Variants in ARID4B observed in about 807,000 individuals in gnomAD.
ARID4B encodes the protein AT-rich interactive domain-containing protein 4B.
A neutral mutation model predicts 147.5 loss-of-function variants in ARID4B; 26 were observed. The observed-to-expected ratio is 0.18, with a 90% CI of 0.13 to 0.24. The LOEUF is 0.24. Among genes scored for constraint, ARID4B ranks in the 10% least tolerant of loss-of-function variants. ARID4B has a pLI of 1.00. For missense variants in ARID4B, 1,179 were observed against 1,511.5 expected (o/e 0.78, Z 3.65); for synonymous variants, 512 against 507.9 (o/e 1.01, Z -0.11).
intron 5 of ARID4B, among the ~76,000 whole-genome samples, chr1:235,255,269 A>ATCTATCTATCTATCTC (rs1553304391): frequency 1.5e-5 from 2 of 131,616 alleles, no homozygotes; most frequent in Non-Finnish European, 3.3e-5. Flanking sequence ...ATAGATATAT[A>ATCTATCTATCTATCTC]TCTCTCTCTC....
chr1:235,290,411 C>T (rs1240890669), intron 2 of ARID4B, among the ~76,000 whole-genome samples: 7 of 147,046 alleles, frequency 4.8e-5, no homozygotes, highest in African/African-American at 1.0e-4. Flanking sequence ...CCAACCTGGA[C>T]GACAGAATGA....
chr1:235,265,179 C>T (rs966013733), intron 2 of ARID4B, among the ~76,000 whole-genome samples: 1 of 149,368 alleles, frequency 6.7e-6, no homozygotes, highest in Non-Finnish European at 1.5e-5. Context: ...GCCTGGCCAA[C>T]ATGGTGAAAA....
In ARID4B at chr1:235,255,270, T is replaced by G. The variant is rs1342587891; in HGVS notation, c.274+390A>C. ...AGATAGATAGATAGATAGATATATATCTCTCTCTCTCTCTCTCTATATATA... is the reference window on the plus strand; with the variant it reads ...AGATAGATAGATAGATAGATATATAGCTCTCTCTCTCTCTCTCTATATATA... On this transcript the variant is annotated intron_variant, in intron 5 of 23. Coordinates refer to ENST00000264183, the MANE Select transcript of ARID4B (RefSeq NM_016374.6). Among the ~76,000 whole-genome samples the G allele has an allele frequency of 2.0e-3, 159 of 79,134 alleles. 2 individuals carry two copies. The highest frequency in any genetic ancestry group is 5.1e-3 in the African/African-American group (136 of 26,758). 51.9% of individuals were successfully genotyped at this position (79,134 alleles called of 152,430 possible). A position where few individuals can be genotyped will look rare whatever the true frequency, so the allele number is the denominator to read the frequency against.
At position 235,223,366 on chromosome 1, in the gene ARID4B, CACGTATATATATATAT is replaced by C. The variant is rs554856926; in HGVS notation, c.971-122_971-107del. 2.1e-4 allele frequency: 64 copies of C among 301,740 alleles called. 2 individuals are homozygous for C. In the East Asian group the frequency reaches 3.9e-3, roughly 18 times the overall value. 18.7% of individuals were successfully genotyped at this position (301,740 alleles called of 1,614,324 possible). On this transcript the variant is annotated intron_variant, in intron 12 of 23. Transcript: ENST00000264183. The stretch of plus-strand genomic sequence containing the variant: ...ATTTATAGTATTTTATATATATATA[CACGTATATATATATAT>C]ACACGTATATATATGTGTGTGTATA...
chr1:235,177,630 A>T (rs996700701), intron 21 of ARID4B, 170 bp downstream of exon 21: 25 of 485,874 alleles, frequency 5.1e-5, no homozygotes, highest in African/African-American at 3.4e-4. Context: ...TTTTTTGTCT[A>T]TTTTGTTTTT....
chr1:235,255,271 C>CTATCTA (rs767376155), intron 5 of ARID4B, among the ~76,000 whole-genome samples: 148 of 52,704 alleles, frequency 2.8e-3, no homozygotes, highest in African/African-American at 5.3e-3. Context: ...AGATATATAT[C>CTATCTA]TCTCTCTCTC....
chr1:235,231,206 A>G lies in ARID4B; in HGVS notation c.666-17T>C. ...ACTGAAGTACTATATATTTTTTTTA[A>G]TTATAAGAGAAGAAAAAAAACCCAA... On this transcript the variant is annotated splice_polypyrimidine_tract_variant and intron_variant, in intron 9 of 23. Coordinates refer to ENST00000264183, the MANE Select transcript of ARID4B (RefSeq NM_016374.6). The G allele has an allele frequency of 7.0e-7, 1 of 1,436,588 alleles. No individual in the cohort carries two copies. The highest frequency in any genetic ancestry group is 1.5e-5 in the African/African-American group (1 of 68,318). 89.0% of individuals were successfully genotyped at this position (1,436,588 alleles called of 1,614,324 possible). A position where few individuals can be genotyped will look rare whatever the true frequency, so the allele number is the denominator to read the frequency against.
chr1:235,326,030 C>T (rs1675211022), intron 2 of ARID4B, among the ~76,000 whole-genome samples: 1 of 152,224 alleles, frequency 6.6e-6, no homozygotes, highest in East Asian at 1.9e-4. Flanking sequence ...CTTGTGAACA[C>T]TCTACCCTTT....
chr1:235,215,589 T>C (rs1292569150), intron 16 of ARID4B, among the ~76,000 whole-genome samples: 2 of 86,892 alleles, frequency 2.3e-5, no homozygotes, highest in Non-Finnish European at 5.9e-5. Context: ...GTATATATTT[T>C]TCCCCCCCTT....
intron 10 of ARID4B, 51 bp downstream of exon 10, chr1:235,231,062 C>A: frequency 7.9e-7 from 1 of 1,260,354 alleles, no homozygotes; most frequent in Non-Finnish European, 1.1e-6. Context: ...TCTTCAAAAA[C>A]ACTTTAGCAG....
chr1:235,327,084 C>A (rs906771852), intron 1 of ARID4B, 116 bp from the exon 2 acceptor site: 2 of 694,770 alleles, frequency 2.9e-6, no homozygotes, highest in South Asian at 1.8e-5. Context: ...CGCAACCAGG[C>A]GCCAGCCCCC....
At chr1:235,317,826 T>C (rs2103296900) in intron 2 of ARID4B, among the ~76,000 whole-genome samples, 1 of 152,300 alleles carries the variant, frequency 6.6e-6, no homozygotes, top group East Asian at 1.9e-4. Context: ...AAGTATTCAA[T>C]AAATATTGAA....
At chr1:235,231,793 C>T (rs546505042) in intron 9 of ARID4B, among the ~76,000 whole-genome samples, 42 of 152,264 alleles carry the variant, frequency 2.8e-4, no homozygotes, top group Admixed American at 2.0e-3. Flanking sequence ...CGGCCAAAAA[C>T]GATTTATGGC....
chr1:235,282,895 C>T (rs974613602), intron 2 of ARID4B, among the ~76,000 whole-genome samples: 14 of 152,174 alleles, frequency 9.2e-5, no homozygotes, highest in African/African-American at 2.9e-4. Flanking sequence ...ATTCTCCTGC[C>T]TCAGCCTCCC....
At chr1:235,184,243 T>C (rs1432387935) in intron 19 of ARID4B, among the ~76,000 whole-genome samples, 1 of 152,226 alleles carries the variant, frequency 6.6e-6, no homozygotes, top group Admixed American at 6.5e-5. Flanking sequence ...AATCATTTTA[T>C]TGTTATTTTA....
chr1:235,271,808 G>C (rs1427031187), intron 2 of ARID4B, among the ~76,000 whole-genome samples: 1 of 151,636 alleles, frequency 6.6e-6, no homozygotes, highest in East Asian at 1.9e-4. Flanking sequence ...AAATTAGCTG[G>C]CCATGGTGGC....
At chr1:235,173,774 ATATATATATATATATATATATATAT>A (rs1663609465) in intron 22 of ARID4B, among the ~76,000 whole-genome samples, 7 of 21,032 alleles carry the variant, frequency 3.3e-4, no homozygotes, top group Non-Finnish European at 5.5e-4. Context: ...AAAAAAAAAT[ATATATATATATATATATATATATAT>A]ATATATATAT....
intron 23 of ARID4B, among the ~76,000 whole-genome samples, chr1:235,170,447 CAT>C (rs1387777545): frequency 6.6e-6 from 1 of 151,932 alleles, no homozygotes; most frequent in African/African-American, 2.4e-5. Flanking sequence ...CCTTTAAAAA[CAT>C]AAGTGGAGGC....
At chr1:235,292,011 T>C (rs571010286) in intron 2 of ARID4B, among the ~76,000 whole-genome samples, 8 of 152,368 alleles carry the variant, frequency 5.3e-5, no homozygotes, top group Admixed American at 2.0e-4. Flanking sequence ...AAAGGGTTTT[T>C]ACTATATTCT....
Sources: allele counts gnomAD v4.1 joint callset (sites outside exome capture counted in the v4.1 genomes callset), GRCh38; gene constraint gnomAD v4.1.1; transcripts MANE v1.5; gene names NCBI Gene and HGNC (gene_info 2026-07-23, HGNC 2026-07-21).